Variants in CCSER1 observed in about 807,000 individuals in gnomAD.
The protein encoded by CCSER1 is serine-rich coiled-coil domain-containing protein 1.
Under a neutral mutation model 82.0 loss-of-function variants are expected in CCSER1, and 41 were observed. The observed-to-expected ratio is 0.50, with a 90% CI of 0.39 to 0.65. The LOEUF is 0.65. CCSER1 is among the 30% of genes least tolerant of loss of function. The pLI, the probability that CCSER1 is intolerant of heterozygous loss-of-function variation, is 0.00. For synonymous variants in CCSER1, 414 were observed against 383.9 expected (o/e 1.08, Z -0.92); for missense variants, 1,119 against 1,064.2 (o/e 1.05, Z -0.72).
chr4:90,158,043 T>C (rs895093134), intron 1 of CCSER1, among the ~76,000 whole-genome samples: 2 of 152,180 alleles, frequency 1.3e-5, no homozygotes, highest in East Asian at 1.9e-4. Flanking sequence ...GATGTACAGA[T>C]GGGTTTTTGG....
At chr4:90,780,843 T>C (rs1561124371) in intron 7 of CCSER1, 1 of 981,372 alleles carries the variant, frequency 1.0e-6, no homozygotes, top group Non-Finnish European at 1.2e-6. Flanking sequence ...TGTATTAGGC[T>C]GTTCTTGCAT....
chr4:91,251,818 G>A (rs1286778994), intron 10 of CCSER1, among the ~76,000 whole-genome samples: 12 of 152,156 alleles, frequency 7.9e-5, no homozygotes, highest in Non-Finnish European at 1.3e-4. Flanking sequence ...CCTATTTTCA[G>A]TTGTAATTAA....
intron 3 of CCSER1, among the ~76,000 whole-genome samples, chr4:90,367,143 A>G (rs547217736): frequency 1.3e-5 from 2 of 152,038 alleles, no homozygotes; most frequent in South Asian, 2.1e-4. Flanking sequence ...CTACTAAAGC[A>G]AAAAGACAAG....
chr4:90,262,663 G>C (rs1448038979), intron 1 of CCSER1, among the ~76,000 whole-genome samples: 3 of 152,058 alleles, frequency 2.0e-5, no homozygotes, highest in African/African-American at 7.2e-5. Context: ...TGATGAAGGT[G>C]GCTGGGAGAG....
intron 9 of CCSER1, 151 bp downstream of exon 9, chr4:90,923,598 A>C (rs978142438): frequency 7.4e-6 from 4 of 539,126 alleles, no homozygotes; most frequent in African/African-American, 1.9e-5. Flanking sequence ...ATCCCCAAAT[A>C]CCTCCTGGAA....
chr4:90,212,566 C>T (rs551868879), intron 1 of CCSER1, among the ~76,000 whole-genome samples: 85 of 152,072 alleles, frequency 5.6e-4, no homozygotes, highest in African/African-American at 1.9e-3. Context: ...TAAATTTAAC[C>T]CTGAATAAAC....
At chr4:90,239,070 C>T (rs1003031924) in intron 1 of CCSER1, among the ~76,000 whole-genome samples, 4 of 152,098 alleles carry the variant, frequency 2.6e-5, no homozygotes, top group Non-Finnish European at 5.9e-5. Flanking sequence ...AGGCTGGTTC[C>T]GAACTCCTGA....
At position 91,230,006 on chromosome 4, in the gene CCSER1, T is replaced by C. The variant is rs189200555; in HGVS notation, c.2217+144012T>C. On this transcript the variant is annotated intron_variant, in intron 10 of 10. Coordinates refer to ENST00000509176, the MANE Select transcript of CCSER1 (RefSeq NM_001145065.2). ...TCCCAGAACTTAAAGTTAAAAAAAA[T>C]TAATTTCTTTTGTACCCCACCAAAT... is the stretch of plus-strand genomic sequence containing the variant. Among the ~76,000 whole-genome samples, 357 of 152,180 alleles carry C rather than the reference T, an allele frequency of 2.3e-3. 3 individuals are homozygous for C. The highest frequency in any genetic ancestry group is 8.1e-3 in the African/African-American group (336 of 41,522).
At chr4:90,178,415 AT>A (rs796837277) in intron 1 of CCSER1, among the ~76,000 whole-genome samples, 21 of 152,118 alleles carry the variant, frequency 1.4e-4, no homozygotes, top group African/African-American at 5.1e-4. Flanking sequence ...TTAGGGCAGT[AT>A]TTTAACCACA....
At chr4:90,127,950 G>T (rs1489510330) in intron 1 of CCSER1, 119 bp downstream of exon 1, 1 of 151,840 alleles carries the variant, frequency 6.6e-6, no homozygotes, top group Non-Finnish European at 1.5e-5. Context: ...GCCGTGTCGG[G>T]GCCGCCTGCG....
At chr4:91,019,662 C>A (rs1561475838) in intron 9 of CCSER1, among the ~76,000 whole-genome samples, 1 of 152,012 alleles carries the variant, frequency 6.6e-6, no homozygotes, top group African/African-American at 2.4e-5. Context: ...AGACAGGAAT[C>A]AATAATGATG....
chr4:90,340,481 G>A (rs1741193327), intron 3 of CCSER1, among the ~76,000 whole-genome samples: 1 of 152,092 alleles, frequency 6.6e-6, no homozygotes, highest in African/African-American at 2.4e-5. Flanking sequence ...TTGTGAATTT[G>A]TGCTAGTTTA....
chr4:91,420,585 T>C (rs1434553325), intron 10 of CCSER1, among the ~76,000 whole-genome samples: 1 of 152,106 alleles, frequency 6.6e-6, no homozygotes, highest in African/African-American at 2.4e-5. Context: ...CCTTATATGA[T>C]GTTGGTAGAA....
At chr4:91,032,463 C>T (rs747772053) in intron 9 of CCSER1, among the ~76,000 whole-genome samples, 1 of 152,084 alleles carries the variant, frequency 6.6e-6, no homozygotes, top group Non-Finnish European at 1.5e-5. Context: ...GCACTAGCAA[C>T]GTGTACGATT....
chr4:90,342,066 G>A (rs1377271407), intron 3 of CCSER1, among the ~76,000 whole-genome samples: 51 of 152,088 alleles, frequency 3.4e-4, no homozygotes, highest in Non-Finnish European at 1.9e-4. Context: ...AGACCCACTG[G>A]CAAAGTATTT....
intron 10 of CCSER1, among the ~76,000 whole-genome samples, chr4:91,499,158 T>A (rs969550130): frequency 1.3e-5 from 2 of 152,068 alleles, no homozygotes; most frequent in Non-Finnish European, 2.9e-5. Flanking sequence ...AGATATATTT[T>A]ATTTAATTTA....
At chr4:90,142,685 G>A (rs1054703239) in intron 1 of CCSER1, among the ~76,000 whole-genome samples, 3 of 150,536 alleles carry the variant, frequency 2.0e-5, no homozygotes, top group African/African-American at 7.3e-5. Context: ...CTTATTGTGC[G>A]GTTTTTCTTG....
intron 10 of CCSER1, among the ~76,000 whole-genome samples, chr4:91,324,761 T>C (rs1288810106): frequency 6.6e-6 from 1 of 152,088 alleles, no homozygotes; most frequent in Non-Finnish European, 1.5e-5. Context: ...CTTACTGAAA[T>C]CAGCAAGGTG....
intron 1 of CCSER1, among the ~76,000 whole-genome samples, chr4:90,196,605 C>T (rs926783716): frequency 6.7e-6 from 1 of 150,152 alleles, no homozygotes; most frequent in South Asian, 2.1e-4. Flanking sequence ...TATTCCCTTT[C>T]CCCATAGATA....
Sources: allele counts gnomAD v4.1 joint callset (sites outside exome capture counted in the v4.1 genomes callset), GRCh38; gene constraint gnomAD v4.1.1; transcripts MANE v1.5; gene names NCBI Gene and HGNC (gene_info 2026-07-23, HGNC 2026-07-21).